The following FKBP11 variants were observed in gnomAD, a reference collection of about 807,000 sequenced individuals.
The protein encoded by FKBP11 is peptidyl-prolyl cis-trans isomerase FKBP11.
FKBP11 carries 21 observed loss-of-function variants against 24.7 expected under a neutral mutation model. That is an observed-to-expected ratio of 0.85 (90% CI 0.60 to 1.23). The LOEUF is 1.23. Ranked by LOEUF, FKBP11 falls within the 50% of genes most tolerant of loss-of-function variation. FKBP11 has a pLI of 0.00. For synonymous variants in FKBP11, 106 were observed against 100.6 expected (o/e 1.05, Z -0.32); for missense variants, 245 against 248.7 (o/e 0.99, Z 0.10).
At chr12:48,931,720 T>G in the FKBP11 span, 1 of 484,320 alleles carries the variant, frequency 2.1e-6, no homozygotes, top group Admixed American at 3.8e-5. Flanking sequence ...CATCCATTTG[T>G]TCATCAAGGT....
At chr12:48,924,853 G>A in intron 2 of FKBP11, 193 bp downstream of exon 2, 2 of 1,443,340 alleles carry the variant, frequency 1.4e-6, no homozygotes, top group Non-Finnish European at 1.8e-6. Flanking sequence ...TGCCAGGTAG[G>A]AACTGGCAGA....
chr12:48,925,175 G>T, intron 1 of FKBP11, 64 bp from the exon 2 acceptor site: 1 of 1,596,122 alleles, frequency 6.3e-7, no homozygotes, highest in South Asian at 1.1e-5. Flanking sequence ...CCCTAGACCC[G>T]GCACCACCCC....
At chr12:48,933,297 G>A in the FKBP11 span, among the ~76,000 whole-genome samples, 1 of 152,182 alleles carries the variant, frequency 6.6e-6, no homozygotes, top group South Asian at 2.1e-4. Context: ...CGGGCATCCG[G>A]ATCCTATCAC....
At chr12:48,930,045 G>T (rs1940028231), upstream of FKBP11, among the ~76,000 whole-genome samples, 1 of 152,126 alleles carries the variant, frequency 6.6e-6, no homozygotes, top group Non-Finnish European at 1.5e-5. Context: ...CTAACTGATG[G>T]CAAGGTCAAG....
At position 48,924,214 on chromosome 12, in the gene FKBP11, G is replaced by A. The variant is rs756722236; in HGVS notation, c.317+9C>T. On this transcript the variant is annotated intron_variant, in intron 4 of 5. Transcript: ENST00000550765. ...GGGTACCCAGGCCCACCCCTGCCGA[G>A]ATACTCACCCCACACACATGTCGAG... 1.2e-6 allele frequency: 2 copies of A among 1,613,986 alleles called. No individual in the cohort carries two copies. Among genetic ancestry groups the A allele is most frequent in the East Asian group, 2.2e-5 (1 of 44,898 alleles).
At chr12:48,930,816 T>C (rs888924435), upstream of FKBP11, among the ~76,000 whole-genome samples, 2 of 151,702 alleles carry the variant, frequency 1.3e-5, no homozygotes, top group African/African-American at 4.8e-5. Flanking sequence ...TAGAGAGAGG[T>C]GGCTGGAGAG....
chr12:48,932,243 ATATATATATATATATATATTTTTTTTT>A, the FKBP11 span, among the ~76,000 whole-genome samples: 22 of 37,424 alleles, frequency 5.9e-4, no homozygotes, highest in Admixed American at 1.0e-3. Flanking sequence ...ATATATATAT[ATATATATATATATATATATTTTTTTTT>A]TTTTTTTTTT....
the FKBP11 span, chr12:48,931,623 G>A: frequency 1.5e-6 from 1 of 685,342 alleles, no homozygotes. Flanking sequence ...GTGTGTAGGA[G>A]AAACCCTACC....
In FKBP11 at chr12:48,925,101, G is replaced by A; in HGVS notation, c.140C>T (p.Pro47Leu). ...TLQVETLVEPPEPCAEPAAFG... is the reference protein window; with the variant it reads ...TLQVETLVEPLEPCAEPAAFG... ...AGCAGCGGGCTCGGCACATGGTTCT[G>A]GGGGCTCCACCTACGATCGGACTAC... The change falls in exon 2 of 6, where the codon CCA (proline) becomes CTA (leucine). Residue 47 changes from proline to leucine, a missense_variant. By Grantham distance (98) the Pro-to-Leu change is moderately conservative. Transcript: ENST00000550765. 2 of 1,613,470 alleles carry A rather than the reference G, an allele frequency of 1.2e-6. No homozygotes were observed. Among genetic ancestry groups the A allele is most frequent in the Non-Finnish European group, 1.7e-6 (2 of 1,179,784 alleles).
intron 5 of FKBP11, 114 bp downstream of exon 5, chr12:48,923,668 G>A (rs1939887476): frequency 6.3e-7 from 1 of 1,581,800 alleles, no homozygotes; most frequent in African/African-American, 1.3e-5. Flanking sequence ...ACTCCTATCT[G>A]TCTAAACAAA....
rs544524412 is a variant in FKBP11 at position 48,923,535 on chromosome 12, G to T, written c.388+247C>A. On this transcript the variant is annotated intron_variant, in intron 5 of 5. Coordinates refer to ENST00000550765, the MANE Select transcript of FKBP11 (RefSeq NM_016594.3). ...CAGCAGACCCATGTGGCCCAAGCAGGTCTCTTCCCTAACAAGTTACTGGCT... is the reference window on the plus strand; with the variant it reads ...CAGCAGACCCATGTGGCCCAAGCAGTTCTCTTCCCTAACAAGTTACTGGCT... 2.6e-6 allele frequency: 4 copies of T among 1,551,472 alleles called. No homozygotes were observed. In the South Asian group the frequency reaches 3.6e-5, roughly 14 times the overall value.
chr12:48,928,923 C>T (rs1940015388), upstream of FKBP11, among the ~76,000 whole-genome samples: 1 of 146,996 alleles, frequency 6.8e-6, no homozygotes, highest in Non-Finnish European at 1.5e-5. Flanking sequence ...CCCGGGTTCA[C>T]GCCATTCTCC....
upstream of FKBP11, among the ~76,000 whole-genome samples, chr12:48,927,997 GCC>G (rs1940001526): frequency 6.7e-6 from 1 of 149,832 alleles, no homozygotes; most frequent in African/African-American, 2.4e-5. Context: ...TCTGTAACTG[GCC>G]GTGAACAATT....
At position 48,924,638 on chromosome 12, in the gene FKBP11, A is replaced by C; in HGVS notation, c.206T>G (p.Val69Gly). ...GGAGGTGTCAATAATACGTCCATCT[A>C]CCAAGCTTCCCTGGGGGGAGAGAGC... The part of the protein sequence containing the change: ...TLHIHYTGSL[V>G]DGRIIDTSLT... Residue 69 changes from valine (V) to glycine (G), a missense_variant, in exon 3 of 6, where the codon GTA (valine) becomes GGA (glycine). Physicochemically the swap from Val to Gly is moderately radical, Grantham distance 109 (BLOSUM62 -3). Coordinates refer to ENST00000550765, the MANE Select transcript of FKBP11 (RefSeq NM_016594.3). The C allele has an allele frequency of 6.2e-7, 1 of 1,613,974 alleles. No homozygotes were observed. The highest frequency in any genetic ancestry group is 1.7e-5 in the Admixed American group (1 of 60,026).
At chr12:48,922,849 A>G in intron 5 of FKBP11, 1 of 1,025,080 alleles carries the variant, frequency 9.8e-7, no homozygotes, top group Non-Finnish European at 1.2e-6. Context: ...TGGAACTAGG[A>G]TAAGAATTAA....
At chr12:48,938,560 G>C in the FKBP11 span, 1 of 457,938 alleles carries the variant, frequency 2.2e-6, no homozygotes, top group Non-Finnish European at 4.4e-6. Context: ...AAGGCAAACA[G>C]GGAGTAGAAG....
the FKBP11 span, chr12:48,938,501 G>A: frequency 2.2e-6 from 1 of 447,890 alleles, no homozygotes; most frequent in South Asian, 1.6e-5. Flanking sequence ...CGCAAACACA[G>A]AGAGGCCCGT....
chr12:48,923,754 G>A, intron 5 of FKBP11, 28 bp downstream of exon 5: 1 of 1,607,452 alleles, frequency 6.2e-7, no homozygotes, highest in Non-Finnish European at 8.5e-7. Flanking sequence ...TATTTTGATG[G>A]CCTGAGAGAG....
chr12:48,930,799 C>T (rs997809232), upstream of FKBP11, among the ~76,000 whole-genome samples: 6 of 152,050 alleles, frequency 3.9e-5, no homozygotes, highest in Non-Finnish European at 8.8e-5. Flanking sequence ...GGGATTTGGC[C>T]AGAGACTAGA....
Sources: gnomAD v4.1 joint callset for allele counts (sites outside exome capture counted in the v4.1 genomes callset) on GRCh38, gnomAD v4.1.1 for gene constraint, MANE v1.5 for transcripts, NCBI Gene and HGNC (gene_info 2026-07-23, HGNC 2026-07-21) for gene names.